The following SFMBT2 variants were observed in gnomAD, a reference collection of about 807,000 sequenced individuals.
The protein encoded by SFMBT2 is scm-like with four MBT domains protein 2.
SFMBT2 carries 38 observed loss-of-function variants against 110.1 expected under a neutral mutation model. That is an observed-to-expected ratio of 0.35 (90% confidence interval 0.27 to 0.45). The LOEUF (loss-of-function observed/expected upper bound fraction) is 0.45. Ranked by LOEUF, SFMBT2 falls within the 20% of genes least tolerant of loss-of-function variation. The probability of loss-of-function intolerance (pLI) is 1.00; values close to 1 mark genes in which losing one functional copy is unlikely to be tolerated. For missense variants in SFMBT2, 1,011 were observed against 1,094.9 expected (o/e 0.92, Z 1.08); for synonymous variants, 425 against 425.4 (o/e 1.00, Z 0.01).
chr10:7,256,965 G>T (rs1419794587), intron 7 of SFMBT2, among the ~76,000 whole-genome samples: 2 of 151,900 alleles, frequency 1.3e-5, no homozygotes, highest in African/African-American at 4.8e-5. Flanking sequence ...GGCGGTGGGC[G>T]CCTGTAATCC....
At chr10:7,393,050 G>C (rs1199083104) in intron 1 of SFMBT2, among the ~76,000 whole-genome samples, 1 of 81,108 alleles carries the variant, frequency 1.2e-5, no homozygotes, top group Non-Finnish European at 2.4e-5. Flanking sequence ...TTTTTTTTTT[G>C]AGACAAGAGT....
intron 7 of SFMBT2, among the ~76,000 whole-genome samples, chr10:7,258,566 T>G (rs993578586): frequency 6.6e-6 from 1 of 152,240 alleles, no homozygotes; most frequent in African/African-American, 2.4e-5. Context: ...TTTCTAAGAC[T>G]AGGCTTCAGT....
At chr10:7,222,469 A>C (rs944488768) in intron 10 of SFMBT2, among the ~76,000 whole-genome samples, 16 of 152,102 alleles carry the variant, frequency 1.1e-4, no homozygotes, top group Non-Finnish European at 1.9e-4. Flanking sequence ...GCTTCTTTGG[A>C]GGTCTCTCTC....
At chr10:7,378,650 G>A (rs1463682694) in intron 2 of SFMBT2, among the ~76,000 whole-genome samples, 1 of 148,280 alleles carries the variant, frequency 6.7e-6, no homozygotes, top group Non-Finnish European at 1.5e-5. Context: ...GGATGGGTGT[G>A]AGTGTGGGTG....
intron 7 of SFMBT2, among the ~76,000 whole-genome samples, chr10:7,251,585 C>T (rs900595258): frequency 6.6e-6 from 1 of 152,168 alleles, no homozygotes; most frequent in Non-Finnish European, 1.5e-5. Flanking sequence ...AGTATAAACC[C>T]TTTCATCTTT....
At chr10:7,166,722 G>A (rs1382159935) in intron 20 of SFMBT2, among the ~76,000 whole-genome samples, 10 of 152,132 alleles carry the variant, frequency 6.6e-5, no homozygotes, top group Admixed American at 4.6e-4. Context: ...AAAGGGCTTC[G>A]AACTGAGACT....
intron 15 of SFMBT2, among the ~76,000 whole-genome samples, chr10:7,194,263 C>T (rs985998152): frequency 7.2e-5 from 11 of 152,206 alleles, no homozygotes; most frequent in African/African-American, 2.4e-4. Flanking sequence ...TGAGGCCAGA[C>T]ACGCTCGTGG....
intron 1 of SFMBT2, chr10:7,409,253 T>C (rs1426419792): frequency 1.3e-5 from 2 of 151,988 alleles, no homozygotes; most frequent in African/African-American, 4.8e-5. Flanking sequence ...TTGCACCCAA[T>C]ACCCGGGACA....
intron 15 of SFMBT2, among the ~76,000 whole-genome samples, chr10:7,197,220 C>T (rs1315224442): frequency 6.6e-6 from 1 of 152,136 alleles, no homozygotes; most frequent in Non-Finnish European, 1.5e-5. Flanking sequence ...TTGGAAACCT[C>T]AACTCCAGTC....
chr10:7,375,001 A>C (rs1284831857), intron 2 of SFMBT2, among the ~76,000 whole-genome samples: 1 of 152,230 alleles, frequency 6.6e-6, no homozygotes, highest in Non-Finnish European at 1.5e-5. Context: ...TCTTAAACCC[A>C]TAAACATTTT....
At chr10:7,186,207 T>G (rs1838398114) in intron 16 of SFMBT2, among the ~76,000 whole-genome samples, 2 of 151,836 alleles carry the variant, frequency 1.3e-5, no homozygotes, top group South Asian at 4.2e-4. Context: ...CTCAAGTAAA[T>G]GGGTCTTTAC....
chr10:7,175,930 C>T (rs1277136837), intron 17 of SFMBT2, 60 bp downstream of exon 17: 2 of 1,487,080 alleles, frequency 1.3e-6, no homozygotes, highest in South Asian at 1.2e-5. Flanking sequence ...AACCAAATAC[C>T]TTAGAGTGCA....
chr10:7,227,960 A>T, intron 9 of SFMBT2, 23 bp from the exon 10 acceptor site: 1 of 1,548,076 alleles, frequency 6.5e-7, no homozygotes, highest in Non-Finnish European at 8.7e-7. Flanking sequence ...AAACACAGAT[A>T]AAACAGCGCA....
At chr10:7,213,885 G>A (rs1406613039) in intron 11 of SFMBT2, among the ~76,000 whole-genome samples, 2 of 152,244 alleles carry the variant, frequency 1.3e-5, no homozygotes, top group Admixed American at 6.5e-5. Flanking sequence ...AGAGAAAGAC[G>A]AGGCCACGCT....
At position 7,170,804 on chromosome 10, in the gene SFMBT2, A is replaced by C. The variant is rs1588760669; in HGVS notation, c.2544+124T>G. The C allele has an allele frequency of 8.5e-7, 1 of 1,170,518 alleles. No individual in the cohort carries two copies. The allele number at this position is 1,170,518 out of a possible 1,614,324, so 72.5% of individuals were successfully genotyped here. A position where few individuals can be genotyped will look rare whatever the true frequency, so the allele number is the denominator to read the frequency against. On this transcript the variant is annotated intron_variant, in intron 20 of 20. Coordinates refer to ENST00000397167, the MANE Select transcript of SFMBT2 (RefSeq NM_001387889.1). This position sits in a 1 kb window ranked among gnomAD's most constrained non-coding sequence, Gnocchi z 4.6. ...CCTTGGAGGGAGAAGGGTCTCGCAC[A>C]CCTGCCGAGCAGCGCCGAAGAACCC...
chr10:7,320,412 C>A (rs1014992966), intron 4 of SFMBT2: 1 of 189,894 alleles, frequency 5.3e-6, no homozygotes, highest in East Asian at 1.9e-4. Flanking sequence ...CCAATTCAGA[C>A]AAGAGAACCA....
chr10:7,296,612 C>T (rs1842414248), intron 4 of SFMBT2, among the ~76,000 whole-genome samples: 2 of 152,224 alleles, frequency 1.3e-5, no homozygotes, highest in African/African-American at 4.8e-5. Context: ...CCTTAGGTAT[C>T]TGACAAAATG....
intron 7 of SFMBT2, among the ~76,000 whole-genome samples, chr10:7,266,540 G>C (rs1384491134): frequency 6.6e-6 from 1 of 152,186 alleles, no homozygotes; most frequent in Non-Finnish European, 1.5e-5. Flanking sequence ...GGAGCTGGAG[G>C]GGGCACGGCA....
chr10:7,192,562 A>T (rs900670684), intron 15 of SFMBT2, among the ~76,000 whole-genome samples: 2 of 152,218 alleles, frequency 1.3e-5, no homozygotes, highest in Non-Finnish European at 2.9e-5. Context: ...GGGGAAATTC[A>T]AACAGCACAT....
Sources: allele counts gnomAD v4.1 joint callset (sites outside exome capture counted in the v4.1 genomes callset), GRCh38; gene constraint gnomAD v4.1.1; non-coding constraint Gnocchi (gnomAD v3.1); transcripts MANE v1.5; gene names NCBI Gene and HGNC (gene_info 2026-07-23, HGNC 2026-07-21).